The following ERBB4 variants were observed in gnomAD, a reference collection of about 807,000 sequenced individuals.
ERBB4 encodes the protein receptor tyrosine-protein kinase erbB-4.
A neutral mutation model predicts 158.0 loss-of-function variants in ERBB4; 42 were observed. That is an observed-to-expected ratio of 0.27 (90% CI 0.21 to 0.34). The LOEUF is 0.34. ERBB4 is among the 10% of genes least tolerant of loss of function. ERBB4 has a pLI of 1.00. For synonymous variants in ERBB4, 583 were observed against 558.7 expected (o/e 1.04, Z -0.61); for missense variants, 1,333 against 1,624.1 (o/e 0.82, Z 3.08).
intron 20 of ERBB4, among the ~76,000 whole-genome samples, chr2:211,553,734 T>A (rs750578622): frequency 1.3e-5 from 2 of 152,188 alleles, no homozygotes; most frequent in Non-Finnish European, 2.9e-5. Context: ...CTTATTAAAG[T>A]TCGCACAGTT....
chr2:212,204,609 A>C (rs764029345), intron 1 of ERBB4, among the ~76,000 whole-genome samples: 4 of 151,256 alleles, frequency 2.6e-5, no homozygotes, highest in Non-Finnish European at 4.4e-5. Context: ...AGGTACAAGA[A>C]TTGCGTGAAC....
chr2:212,190,076 A>G (rs1040729188), intron 1 of ERBB4, among the ~76,000 whole-genome samples: 8 of 152,170 alleles, frequency 5.3e-5, no homozygotes, highest in African/African-American at 1.9e-4. Flanking sequence ...TGAAAGTTCT[A>G]TGTTACTTTT....
At chr2:212,056,473 T>G (rs1029689836) in intron 2 of ERBB4, among the ~76,000 whole-genome samples, 1 of 152,024 alleles carries the variant, frequency 6.6e-6, no homozygotes, top group Non-Finnish European at 1.5e-5. Context: ...AGACACATAA[T>G]TGTCAGATTC....
chr2:211,485,979 T>C (rs1489264522), intron 20 of ERBB4, among the ~76,000 whole-genome samples: 2 of 152,194 alleles, frequency 1.3e-5, no homozygotes, highest in Admixed American at 6.5e-5. Context: ...GATTTCCAAC[T>C]GGTTTATAAA....
At chr2:212,021,356 C>T (rs1042388387) in intron 2 of ERBB4, among the ~76,000 whole-genome samples, 4 of 151,982 alleles carry the variant, frequency 2.6e-5, no homozygotes, top group Non-Finnish European at 4.4e-5. Flanking sequence ...GAGCATGGTA[C>T]TGGTATAAAA....
intron 2 of ERBB4, among the ~76,000 whole-genome samples, chr2:212,044,748 T>C (rs903103262): frequency 6.6e-6 from 1 of 152,182 alleles, no homozygotes; most frequent in East Asian, 1.9e-4. Flanking sequence ...CTTAAACTGA[T>C]ACCCTTATAG....
intron 3 of ERBB4, among the ~76,000 whole-genome samples, chr2:211,879,547 T>C (rs528747265): frequency 3.1e-4 from 47 of 152,352 alleles, no homozygotes; most frequent in South Asian, 2.3e-3. Flanking sequence ...TCATGTACTA[T>C]GTTAGGAGGA....
intron 3 of ERBB4, among the ~76,000 whole-genome samples, chr2:211,884,585 C>A (rs1278350721): frequency 6.6e-6 from 1 of 152,154 alleles, no homozygotes; most frequent in African/African-American, 2.4e-5. Flanking sequence ...GATGTTAAAA[C>A]ATGTCACCTA....
At chr2:212,484,960 T>C (rs1184140019) in intron 1 of ERBB4, among the ~76,000 whole-genome samples, 3 of 152,180 alleles carry the variant, frequency 2.0e-5, no homozygotes, top group Non-Finnish European at 4.4e-5. Flanking sequence ...TAGTGCTCCC[T>C]TTCTCTGGCC....
intron 7 of ERBB4, 148 bp downstream of exon 7, chr2:211,722,245 C>T: frequency 1.5e-6 from 1 of 664,504 alleles, no homozygotes; most frequent in South Asian, 1.9e-5. Flanking sequence ...GGTTTAGTTT[C>T]TTTATTTATA....
At chr2:211,952,708 T>C (rs1378314513) in intron 2 of ERBB4, among the ~76,000 whole-genome samples, 1 of 152,038 alleles carries the variant, frequency 6.6e-6, no homozygotes, top group Non-Finnish European at 1.5e-5. Context: ...CTCAGTTTCT[T>C]CATCTTTAAG....
intron 1 of ERBB4, among the ~76,000 whole-genome samples, chr2:212,252,122 T>C (rs1179543465): frequency 1.3e-5 from 2 of 152,162 alleles, no homozygotes; most frequent in Middle Eastern, 3.4e-3. Context: ...TCCAGGTGTC[T>C]GACTTAAGCA....
chr2:211,958,870 A>C (rs1461764041), intron 2 of ERBB4, among the ~76,000 whole-genome samples: 1 of 152,086 alleles, frequency 6.6e-6, no homozygotes, highest in Non-Finnish European at 1.5e-5. Context: ...TCTGCTTTAA[A>C]AGGTACTTTA....
At chr2:212,369,302 C>T (rs2090003191) in intron 1 of ERBB4, among the ~76,000 whole-genome samples, 1 of 152,122 alleles carries the variant, frequency 6.6e-6, no homozygotes, top group Non-Finnish European at 1.5e-5. Context: ...TACATGTTCC[C>T]TGTGACAGGG....
At chr2:211,970,275 G>T (rs1289367302) in intron 2 of ERBB4, among the ~76,000 whole-genome samples, 5 of 152,030 alleles carry the variant, frequency 3.3e-5, no homozygotes, top group Non-Finnish European at 5.9e-5. Flanking sequence ...CAGTTCTTTT[G>T]CATTTACTGA....
chr2:211,788,097 G>C lies in ERBB4; in HGVS notation c.484C>G (p.His162Asp). 2 of 1,612,150 alleles carry C rather than the reference G, an allele frequency of 1.2e-6. No individual in the cohort carries two copies. Among genetic ancestry groups the C allele is most frequent in the Non-Finnish European group, 1.7e-6 (2 of 1,178,244 alleles). ...GGGTTCCGAACAATATCTTGCCAAT[G>C]AATGGTGTCTGCATAACAAAGGAAT... is the stretch of plus-strand genomic sequence containing the variant. ...NKFLCYADTIHWQDIVRNPWP... is the reference protein window; with the variant it reads ...NKFLCYADTIDWQDIVRNPWP... Residue 162 changes from histidine to aspartate, a missense_variant, in exon 4 of 28, where the codon CAT (histidine) becomes GAT (aspartate). Transcript: ENST00000342788.
chr2:211,689,036 A>C (rs2371278), intron 12 of ERBB4, among the ~76,000 whole-genome samples: 43,585 of 151,984 alleles, frequency 0.29, 7,673 homozygotes, highest in East Asian at 0.9. Flanking sequence ...TCTTCCCCTG[A>C]AAAGCTGAAT....
chr2:212,198,962 C>T (rs78824417), intron 1 of ERBB4, among the ~76,000 whole-genome samples: 4,878 of 152,058 alleles, frequency 0.032, 237 homozygotes, highest in African/African-American at 0.1. Flanking sequence ...AACAATGCTG[C>T]TATGAACATT....
rs1331799164 is a variant in ERBB4 at position 211,861,110 on chromosome 2, T to TATATATA, written c.422-72952_422-72951insTATATAT. ...AAAATATATAAATACATTATATATA[T>TATATATA]TTATATATATATTTTATATATATAT... On this transcript the variant is annotated intron_variant, in intron 3 of 27. Transcript: ENST00000342788. Among the ~76,000 whole-genome samples, 138 of 27,336 alleles carry TATATATA rather than the reference T, an allele frequency of 5.0e-3. 6 individuals carry two copies. The highest frequency in any genetic ancestry group is 0.022 in the African/African-American group (129 of 5,778). The allele number at this position is 27,336 out of a possible 152,430, so 17.9% of individuals were successfully genotyped here.
Sources: allele counts gnomAD v4.1 joint callset (sites outside exome capture counted in the v4.1 genomes callset), GRCh38; gene constraint gnomAD v4.1.1; transcripts MANE v1.5; gene names NCBI Gene and HGNC (gene_info 2026-07-23, HGNC 2026-07-21).